Variants in CFAP206 observed in about 807,000 individuals in gnomAD.
CFAP206 encodes cilia- and flagella-associated protein 206.
A neutral mutation model predicts 65.4 loss-of-function variants in CFAP206; 53 were observed. That is an observed-to-expected ratio of 0.81 (90% CI 0.65 to 1.02). The LOEUF (loss-of-function observed/expected upper bound fraction) is 1.02. CFAP206 is among the 50% of genes least tolerant of loss of function. The probability of loss-of-function intolerance (pLI) is 0.00; values close to 1 mark genes in which losing one functional copy is unlikely to be tolerated. For missense variants in CFAP206, 663 were observed against 753.2 expected (o/e 0.88, Z 1.40); for synonymous variants, 250 against 254.4 (o/e 0.98, Z 0.17).
intron 3 of CFAP206, among the ~76,000 whole-genome samples, chr6:87,411,383 TTTG>T (rs1315756024): frequency 3.9e-5 from 6 of 152,224 alleles, no homozygotes; most frequent in African/African-American, 1.2e-4. Flanking sequence ...AATGGGGTTA[TTTG>T]TTGTTGTCGA....
intron 7 of CFAP206, among the ~76,000 whole-genome samples, chr6:87,423,512 G>T (rs1767985643): frequency 6.6e-6 from 1 of 152,138 alleles, no homozygotes; most frequent in African/African-American, 2.4e-5. Context: ...GCCTCCCAAA[G>T]TGCTGGGATT....
chr6:87,431,748 A>G (rs1768163362), intron 10 of CFAP206, among the ~76,000 whole-genome samples: 1 of 152,204 alleles, frequency 6.6e-6, no homozygotes, highest in African/African-American at 2.4e-5. Context: ...CTGGGCAACA[A>G]AGTGAGACTG....
At chr6:87,419,205 A>G (rs66805147) in intron 7 of CFAP206, among the ~76,000 whole-genome samples, 5,676 of 151,894 alleles carry the variant, frequency 0.037, 127 homozygotes, top group Middle Eastern at 0.078. Context: ...GCCTCAAGCA[A>G]TCCTCCTGCC....
chr6:87,439,850 A>C (rs956769177), intron 11 of CFAP206, among the ~76,000 whole-genome samples: 1 of 151,808 alleles, frequency 6.6e-6, no homozygotes, highest in Non-Finnish European at 1.5e-5. Context: ...TTAGTTTTGC[A>C]CTCTCTATTA....
chr6:87,415,524 G>T, intron 4 of CFAP206, 162 bp from the exon 5 acceptor site: 1 of 715,226 alleles, frequency 1.4e-6, no homozygotes, highest in Non-Finnish European at 2.5e-6. Context: ...TTGTCTTGAG[G>T]CTACATGCTG....
At chr6:87,422,243 G>A (rs1236153336) in intron 7 of CFAP206, among the ~76,000 whole-genome samples, 2 of 151,466 alleles carry the variant, frequency 1.3e-5, no homozygotes, top group African/African-American at 4.9e-5. Context: ...GAGGTCAGGA[G>A]TTCAAGACCA....
At chr6:87,429,959 T>C (rs1265904188) in intron 9 of CFAP206, among the ~76,000 whole-genome samples, 1 of 152,198 alleles carries the variant, frequency 6.6e-6, no homozygotes, top group Admixed American at 6.6e-5. Flanking sequence ...ATTGAAAAGT[T>C]AAAGTATCTC....
intron 7 of CFAP206, among the ~76,000 whole-genome samples, chr6:87,423,498 C>T (rs948239743): frequency 6.6e-6 from 1 of 152,148 alleles, no homozygotes; most frequent in Non-Finnish European, 1.5e-5. Context: ...ATCCACCCGC[C>T]TCCGCCTCCC....
At chr6:87,443,699 G>T (rs1020875619) in intron 11 of CFAP206, among the ~76,000 whole-genome samples, 2 of 152,068 alleles carry the variant, frequency 1.3e-5, no homozygotes, top group Admixed American at 1.3e-4. Context: ...TGAAGCCGAG[G>T]CTTGGGGTAT....
chr6:87,435,281 C>A, intron 11 of CFAP206: 1 of 366,832 alleles, frequency 2.7e-6, no homozygotes, highest in African/African-American at 2.1e-5. Context: ...TGGGGAAAAT[C>A]TGAATCAGAA....
At chr6:87,426,924 T>C (rs1465787503) in intron 8 of CFAP206, among the ~76,000 whole-genome samples, 3 of 152,166 alleles carry the variant, frequency 2.0e-5, no homozygotes, top group Non-Finnish European at 2.9e-5. Flanking sequence ...TGTACTGTGG[T>C]TGAAAATGTA....
chr6:87,427,982 C>CTTTTTTTT (rs10693817), intron 8 of CFAP206, among the ~76,000 whole-genome samples: 1 of 93,914 alleles, frequency 1.1e-5, no homozygotes, highest in African/African-American at 4.5e-5. Flanking sequence ...CTCCACCCTC[C>CTTTTTTTT]TTTTTTTTTT....
intron 11 of CFAP206, among the ~76,000 whole-genome samples, chr6:87,460,176 C>T (rs867730019): frequency 3.3e-5 from 5 of 152,132 alleles, no homozygotes; most frequent in African/African-American, 1.2e-4. Context: ...AAACCTCTAC[C>T]ACTCCCTCCA....
chr6:87,460,949 G>T, intron 11 of CFAP206, 73 bp from the exon 12 acceptor site: 1 of 1,328,684 alleles, frequency 7.5e-7, no homozygotes, highest in Non-Finnish European at 1.0e-6. Context: ...GTTAGTTTTA[G>T]CTAAATATTT....
chr6:87,447,883 A>G (rs1203043833), intron 11 of CFAP206, among the ~76,000 whole-genome samples: 6 of 151,822 alleles, frequency 4.0e-5, no homozygotes, highest in South Asian at 4.2e-4. Context: ...TCAGGATCCA[A>G]CTTCTTCCTG....
intron 11 of CFAP206, among the ~76,000 whole-genome samples, chr6:87,460,519 A>G (rs1760485431): frequency 6.6e-6 from 1 of 152,204 alleles, no homozygotes; most frequent in Admixed American, 6.5e-5. Context: ...TCCAAAATAC[A>G]TGTTCTACAG....
At chr6:87,443,942 G>A (rs1582146599) in intron 11 of CFAP206, among the ~76,000 whole-genome samples, 2 of 151,932 alleles carry the variant, frequency 1.3e-5, no homozygotes, top group Non-Finnish European at 2.9e-5. Flanking sequence ...ATGTTTCTGC[G>A]GCATACTTTT....
At chr6:87,445,534 T>C (rs1423097708) in intron 11 of CFAP206, among the ~76,000 whole-genome samples, 1 of 152,136 alleles carries the variant, frequency 6.6e-6, no homozygotes, top group Non-Finnish European at 1.5e-5. Flanking sequence ...AAGGACATGA[T>C]CTCATTCCTT....
At chr6:87,460,601 G>A (rs112820594) in intron 11 of CFAP206, among the ~76,000 whole-genome samples, 1,623 of 152,172 alleles carry the variant, frequency 0.011, 14 homozygotes, top group Non-Finnish European at 0.017. Flanking sequence ...ATAAAGATGG[G>A]ACCAGTAGAC....
Sources: gnomAD v4.1 joint callset for allele counts (sites outside exome capture counted in the v4.1 genomes callset) on GRCh38, gnomAD v4.1.1 for gene constraint, MANE v1.5 for transcripts, NCBI Gene and HGNC (gene_info 2026-07-23, HGNC 2026-07-21) for gene names.